Variants in CTNNA3 observed in about 807,000 individuals in gnomAD.
The protein encoded by CTNNA3 is catenin alpha-3.
A neutral mutation model predicts 95.7 loss-of-function variants in CTNNA3; 76 were observed. The observed-to-expected ratio is 0.79, with a 90% CI of 0.66 to 0.96. The LOEUF (loss-of-function observed/expected upper bound fraction) is 0.96. Ranked by LOEUF, CTNNA3 falls within the 40% of genes least tolerant of loss-of-function variation. The pLI is 0.00. For missense variants in CTNNA3, 1,191 were observed against 1,089.8 expected (o/e 1.09, Z -1.31); for synonymous variants, 431 against 374.4 (o/e 1.15, Z -1.74).
intron 11 of CTNNA3, among the ~76,000 whole-genome samples, chr10:66,423,905 T>C (rs1450612284): frequency 6.6e-6 from 1 of 152,222 alleles, no homozygotes; most frequent in African/African-American, 2.4e-5. Flanking sequence ...AAAACATCCA[T>C]GTCTGGTGTC....
chr10:66,478,831 G>A (rs1399851348), intron 11 of CTNNA3, among the ~76,000 whole-genome samples: 1 of 151,664 alleles, frequency 6.6e-6, no homozygotes, highest in Non-Finnish European at 1.5e-5. Context: ...TTAGTAATTG[G>A]TATTCTGCAG....
At chr10:67,562,179 AC>A (rs1841539461) in intron 3 of CTNNA3, among the ~76,000 whole-genome samples, 1 of 152,210 alleles carries the variant, frequency 6.6e-6, no homozygotes, top group African/African-American at 2.4e-5. Context: ...GGGCAGAGAC[AC>A]AACCATAAAA....
intron 9 of CTNNA3, among the ~76,000 whole-genome samples, chr10:66,700,274 G>T (rs1442104912): frequency 6.6e-6 from 1 of 152,068 alleles, no homozygotes; most frequent in African/African-American, 2.4e-5. Context: ...CAACTCTTAT[G>T]GTTAGGTATT....
chr10:66,615,550 GATAA>G (rs1185337566), intron 10 of CTNNA3, among the ~76,000 whole-genome samples: 4 of 151,608 alleles, frequency 2.6e-5, no homozygotes, highest in South Asian at 2.1e-4. Context: ...TTTATTGATT[GATAA>G]ATAATTTATT....
At chr10:67,619,884 A>C (rs955193618) in intron 2 of CTNNA3, among the ~76,000 whole-genome samples, 2 of 152,170 alleles carry the variant, frequency 1.3e-5, no homozygotes, top group Non-Finnish European at 1.5e-5. Context: ...ACAATCTTGA[A>C]GCTCAATAAT....
intron 7 of CTNNA3, among the ~76,000 whole-genome samples, chr10:66,861,962 C>A (rs1422721040): frequency 6.6e-6 from 1 of 152,156 alleles, no homozygotes; most frequent in African/African-American, 2.4e-5. Context: ...CACCTGTAAT[C>A]CCAGCACTTT....
intron 4 of CTNNA3, among the ~76,000 whole-genome samples, chr10:67,534,099 A>G (rs1032485393): frequency 6.6e-6 from 1 of 151,912 alleles, no homozygotes; most frequent in East Asian, 1.9e-4. Context: ...AATAGTAAAG[A>G]CAAGGAGAAG....
chr10:66,127,531 G>A (rs1448664628), intron 13 of CTNNA3, among the ~76,000 whole-genome samples: 1 of 151,798 alleles, frequency 6.6e-6, no homozygotes, highest in Non-Finnish European at 1.5e-5. Flanking sequence ...TGTCAAGTTC[G>A]CAAAAACAAG....
intron 3 of CTNNA3, among the ~76,000 whole-genome samples, chr10:67,574,939 C>T (rs527594995): frequency 3.9e-5 from 6 of 152,198 alleles, no homozygotes; most frequent in South Asian, 4.2e-4. Context: ...TGCATTTGTT[C>T]GTTAGCTAAT....
At chr10:67,529,357 C>T (rs1840247804) in intron 4 of CTNNA3, among the ~76,000 whole-genome samples, 1 of 151,796 alleles carries the variant, frequency 6.6e-6, no homozygotes, top group Non-Finnish European at 1.5e-5. Flanking sequence ...ATTCCAATTA[C>T]CCTGATTTGA....
intron 7 of CTNNA3, among the ~76,000 whole-genome samples, chr10:66,811,365 G>A (rs888314102): frequency 3.9e-5 from 6 of 152,128 alleles, no homozygotes; most frequent in African/African-American, 1.4e-4. Context: ...AGAGGCCAGT[G>A]GAAGAGAGGA....
chr10:66,515,696 C>T lies in CTNNA3; in HGVS notation c.1531+4921G>A, dbSNP rs181309201. ...ATGGTGGAAGGGGAAGCAAACACAT[C>T]CTTTTTCACATCATGGCAGGAAGGA... is the stretch of plus-strand genomic sequence containing the variant. On this transcript the variant is annotated intron_variant, in intron 11 of 17. Transcript: ENST00000433211. Among the ~76,000 whole-genome samples the T allele has an allele frequency of 6.0e-4, 91 of 152,154 alleles. 1 individual carries two copies. The highest frequency in any genetic ancestry group is 2.2e-3 in the African/African-American group (91 of 41,528).
intron 11 of CTNNA3, among the ~76,000 whole-genome samples, chr10:66,476,796 T>G (rs930480889): frequency 6.6e-6 from 1 of 152,084 alleles, no homozygotes; most frequent in African/African-American, 2.4e-5. Flanking sequence ...TTAGAATTGA[T>G]TATTCTCTAA....
At position 66,863,696 on chromosome 10, in the gene CTNNA3, A is replaced by G. The variant is rs142759913; in HGVS notation, c.1048-88172T>C. 7.8e-3 allele frequency among the ~76,000 whole-genome samples: 1,194 copies of G among 152,210 alleles called. 8 individuals carry two copies. The highest frequency in any genetic ancestry group is 0.012 in the South Asian group (57 of 4,824). ...GCTTTAGAGCATTTTATTTTGAGAA[A>G]TGTACTGGAAAAGCAAGTAGGGAGG... On this transcript the variant is annotated intron_variant, in intron 7 of 17. Coordinates refer to ENST00000433211, the MANE Select transcript of CTNNA3 (RefSeq NM_013266.4).
rs142050306 is a variant in CTNNA3 at position 66,526,243 on chromosome 10, C to T, written c.1375-5470G>A. Reference sequence around the variant, plus strand: ...CTCTGTCACCTATGCTGGAGTGTAGCGGCTCAATCTCAGCTCACAGCAACT... The same window carrying T: ...CTCTGTCACCTATGCTGGAGTGTAGTGGCTCAATCTCAGCTCACAGCAACT... On this transcript the variant is annotated intron_variant, in intron 10 of 17. Transcript: ENST00000433211. Among the ~76,000 whole-genome samples, 737 of 152,078 alleles carry T rather than the reference C, an allele frequency of 4.8e-3. 6 individuals carry two copies. The highest frequency in any genetic ancestry group is 0.016 in the African/African-American group (680 of 41,494).
chr10:67,577,262 G>A (rs981451882), intron 3 of CTNNA3, among the ~76,000 whole-genome samples: 1 of 152,032 alleles, frequency 6.6e-6, no homozygotes, highest in African/African-American at 2.4e-5. Flanking sequence ...GGTGTGAGAT[G>A]GTATCTCATT....
At chr10:66,305,622 C>T (rs2091922959) in intron 12 of CTNNA3, among the ~76,000 whole-genome samples, 1 of 152,134 alleles carries the variant, frequency 6.6e-6, no homozygotes, top group Non-Finnish European at 1.5e-5. Flanking sequence ...TGAAGTCTTC[C>T]TGTTCATGAA....
At chr10:65,927,403 C>T (rs1382846170) in intron 17 of CTNNA3, among the ~76,000 whole-genome samples, 6 of 152,172 alleles carry the variant, frequency 3.9e-5, no homozygotes, top group Admixed American at 3.9e-4. Flanking sequence ...AGTATTGTTA[C>T]ATCAGTGTTC....
At chr10:66,566,620 T>C (rs1473282245) in intron 10 of CTNNA3, among the ~76,000 whole-genome samples, 1 of 152,118 alleles carries the variant, frequency 6.6e-6, no homozygotes, top group Non-Finnish European at 1.5e-5. Flanking sequence ...GAACCAAGTA[T>C]ATGCAGTACA....
Sources: allele counts gnomAD v4.1 joint callset (sites outside exome capture counted in the v4.1 genomes callset), GRCh38; gene constraint gnomAD v4.1.1; transcripts MANE v1.5; gene names NCBI Gene and HGNC (gene_info 2026-07-23, HGNC 2026-07-21).